CDH13: variants seen among roughly 807,000 people sequenced by gnomAD.
CDH13 encodes the protein cadherin 13.
A neutral mutation model predicts 63.8 loss-of-function variants in CDH13; 24 were observed. That is an observed-to-expected ratio of 0.38 (90% CI 0.27 to 0.53). The LOEUF is 0.53. Ranked by LOEUF, CDH13 falls within the 20% of genes least tolerant of loss-of-function variation. The pLI, the probability that CDH13 is intolerant of heterozygous loss-of-function variation, is 0.85. For missense variants in CDH13, 1,049 were observed against 903.1 expected (o/e 1.16, Z -2.07); for synonymous variants, 503 against 355.3 (o/e 1.42, Z -4.67).
chr16:83,102,581 T>C (rs2034536254), intron 3 of CDH13, among the ~76,000 whole-genome samples: 1 of 152,092 alleles, frequency 6.6e-6, no homozygotes, highest in South Asian at 2.1e-4. Flanking sequence ...GAGATCGCAC[T>C]GGAAGCTACG....
chr16:82,640,107 ATATG>A (rs1909204454), intron 1 of CDH13, among the ~76,000 whole-genome samples: 1 of 152,198 alleles, frequency 6.6e-6, no homozygotes, highest in African/African-American at 2.4e-5. Context: ...AAATAAATAA[ATATG>A]GTAGTTTTGC....
Position 83,164,026 on chromosome 16 carries a change from C to G in CDH13, c.483+38525C>G, listed in dbSNP as rs146943831. Among the ~76,000 whole-genome samples, 315 of 152,050 alleles carry G rather than the reference C, an allele frequency of 2.1e-3. 1 individual carries two copies. Among genetic ancestry groups the G allele is most frequent in the African/African-American group, 6.7e-3 (280 of 41,484 alleles). On this transcript the variant is annotated intron_variant, in intron 4 of 13. Transcript: ENST00000567109. ...ATCTAATTTAATAATCACACCAACA[C>G]TATAAAAAAGACATAGTTGTTATCT...
chr16:83,438,513 A>G (rs540587345), intron 6 of CDH13, among the ~76,000 whole-genome samples: 1 of 152,238 alleles, frequency 6.6e-6, no homozygotes, highest in Non-Finnish European at 1.5e-5. Flanking sequence ...ATGTTTATTC[A>G]TTGACCAACT....
chr16:83,663,200 A>G (rs1172357644), intron 8 of CDH13, among the ~76,000 whole-genome samples: 6 of 152,194 alleles, frequency 3.9e-5, no homozygotes, highest in East Asian at 1.9e-4. Flanking sequence ...TCTGGGTCCA[A>G]TCAGCTATGG....
intron 3 of CDH13, among the ~76,000 whole-genome samples, chr16:83,112,442 T>G (rs1433933360): frequency 6.6e-6 from 1 of 152,202 alleles, no homozygotes; most frequent in African/African-American, 2.4e-5. Context: ...TGTGTTTCTG[T>G]GCGGTATGTG....
intron 7 of CDH13, among the ~76,000 whole-genome samples, chr16:83,553,190 A>C (rs1598278550): frequency 6.6e-6 from 1 of 152,362 alleles, no homozygotes; most frequent in Admixed American, 6.5e-5. Flanking sequence ...CTCTAATGTA[A>C]GTTCGGAGCA....
chr16:83,514,513 T>G (rs939823528), intron 7 of CDH13, among the ~76,000 whole-genome samples: 4 of 152,082 alleles, frequency 2.6e-5, no homozygotes, highest in Non-Finnish European at 4.4e-5. Flanking sequence ...GGCATGGTGG[T>G]GCTCACCTGC....
At chr16:83,239,864 T>TG (rs953061532) in intron 5 of CDH13, among the ~76,000 whole-genome samples, 1 of 152,070 alleles carries the variant, frequency 6.6e-6, no homozygotes, top group Non-Finnish European at 1.5e-5. Context: ...GGGGAATTTG[T>TG]GGGGGGCAGG....
intron 2 of CDH13, among the ~76,000 whole-genome samples, chr16:82,871,413 T>A (rs529401358): frequency 1.3e-5 from 2 of 152,096 alleles, no homozygotes; most frequent in South Asian, 4.2e-4. Flanking sequence ...ACAAGGGAGA[T>A]AGGAGTGTTA....
intron 1 of CDH13, among the ~76,000 whole-genome samples, chr16:82,823,036 C>A (rs2038076938): frequency 6.6e-6 from 1 of 152,144 alleles, no homozygotes; most frequent in African/African-American, 2.4e-5. Flanking sequence ...CTTGACATCT[C>A]TCTATGGTCT....
rs1380438334 is a variant in CDH13 at position 83,110,141 on chromosome 16, A to G, written c.367-15244A>G. On this transcript the variant is annotated intron_variant, in intron 3 of 13. Transcript: ENST00000567109. ...AACTTTTCAAATATAGAGCTGGATT[A>G]AGTCTCACTAGTAGCAGAAAACAAA... 2.6e-5 allele frequency among the ~76,000 whole-genome samples: 4 copies of G among 152,234 alleles called. No homozygotes were observed. The South Asian group carries it at 6.2e-4, about 24-fold the overall frequency.
chr16:82,785,204 G>A (rs1014262775), intron 1 of CDH13, among the ~76,000 whole-genome samples: 1 of 152,120 alleles, frequency 6.6e-6, no homozygotes, highest in African/African-American at 2.4e-5. Context: ...ATAGGAAGGG[G>A]AAGACATGAG....
chr16:82,700,316 A>G (rs2030827538), intron 1 of CDH13, among the ~76,000 whole-genome samples: 1 of 152,206 alleles, frequency 6.6e-6, no homozygotes, highest in Non-Finnish European at 1.5e-5. Flanking sequence ...CCATGAGAGA[A>G]CACTTTAAAG....
rs563650560 is a variant in CDH13 at position 82,982,450 on chromosome 16, TC to T, written c.158-49559del. ...CCGAAGTCCTAAAAAATCTAAAGTG[TC>T]GGCAGAGCCATAGCGGAGAATCTGC... On this transcript the variant is annotated intron_variant, in intron 2 of 13. Coordinates refer to ENST00000567109, the MANE Select transcript of CDH13 (RefSeq NM_001257.5). Among the ~76,000 whole-genome samples, 384 of 152,330 alleles carry T rather than the reference TC, an allele frequency of 2.5e-3. 2 individuals are homozygous for T. The highest frequency in any genetic ancestry group is 0.017 in the Middle Eastern group (5 of 294).
intron 2 of CDH13, among the ~76,000 whole-genome samples, chr16:82,863,852 A>G (rs947992457): frequency 1.7e-4 from 26 of 152,044 alleles, no homozygotes; most frequent in Non-Finnish European, 2.8e-4. Context: ...TTCATGGACC[A>G]GTAATTTTTT....
At chr16:83,149,926 G>A (rs1168416680) in intron 4 of CDH13, among the ~76,000 whole-genome samples, 1 of 152,156 alleles carries the variant, frequency 6.6e-6, no homozygotes, top group Non-Finnish European at 1.5e-5. Context: ...CTATTAAACA[G>A]TTAGCAGCAT....
chr16:83,754,392 A>T (rs1913333812), intron 11 of CDH13, among the ~76,000 whole-genome samples: 1 of 152,172 alleles, frequency 6.6e-6, no homozygotes. Context: ...CAACAGGAGT[A>T]AGCCAGAAGT....
At chr16:83,235,468 C>T (rs990366687) in intron 5 of CDH13, among the ~76,000 whole-genome samples, 1 of 152,156 alleles carries the variant, frequency 6.6e-6, no homozygotes, top group Non-Finnish European at 1.5e-5. Context: ...CGTGGCATGT[C>T]AGGGCTCTGC....
At chr16:83,715,002 A>C (rs990283071) in intron 10 of CDH13, among the ~76,000 whole-genome samples, 1 of 152,198 alleles carries the variant, frequency 6.6e-6, no homozygotes, top group African/African-American at 2.4e-5. Context: ...TTGCTGAGCA[A>C]GGACTTTCCA....
Sources: allele counts gnomAD v4.1 joint callset (sites outside exome capture counted in the v4.1 genomes callset), GRCh38; gene constraint gnomAD v4.1.1; transcripts MANE v1.5; gene names NCBI Gene and HGNC (gene_info 2026-07-23, HGNC 2026-07-21).